The following P2RY12 variants were observed in gnomAD, a reference collection of about 807,000 sequenced individuals.
P2RY12 encodes the protein P2Y purinoceptor 12.
In P2RY12, 3 loss-of-function variants were observed where a neutral mutation model predicts 4.5. The observed-to-expected ratio is 0.67, with a 90% CI of 0.31 to 1.74. The LOEUF is 1.74. Ranked by LOEUF, P2RY12 falls within the 40% of genes most tolerant of loss-of-function variation. The pLI is 0.09. For synonymous variants in P2RY12, 148 were observed against 154.1 expected (o/e 0.96, Z 0.29); for missense variants, 356 against 407.8 (o/e 0.87, Z 1.09).
chr3:151,358,497 C>T (rs1414231087), intron 1 of P2RY12, among the ~76,000 whole-genome samples: 2 of 152,190 alleles, frequency 1.3e-5, no homozygotes, highest in East Asian at 3.9e-4. Flanking sequence ...CTATGTTCTA[C>T]TTTTAAAATA....
At chr3:151,383,238 GCC>G (rs1712723633) in intron 1 of P2RY12, among the ~76,000 whole-genome samples, 1 of 152,142 alleles carries the variant, frequency 6.6e-6, no homozygotes, top group Non-Finnish European at 1.5e-5. Context: ...CCAAGTGCAG[GCC>G]CCTCTGGAGG....
In P2RY12 at chr3:151,369,089, A is replaced by T. The variant is rs569807423; in HGVS notation, c.-180+15603T>A. 3.6e-4 allele frequency among the ~76,000 whole-genome samples: 55 copies of T among 152,300 alleles called. No individual in the cohort carries two copies. In the South Asian group the frequency reaches 0.011, roughly 30 times the overall value. The stretch of plus-strand genomic sequence containing the variant: ...ATTTATTCTTGTACTAAGTAAAAGG[A>T]ATAAAGTAAGAATTTTAGGGGCGTT... On this transcript the variant is annotated intron_variant, in intron 1 of 2. Coordinates refer to ENST00000302632, the MANE Select transcript of P2RY12 (RefSeq NM_022788.5).
chr3:151,348,375 TATATC>T (rs1752814665), intron 1 of P2RY12, among the ~76,000 whole-genome samples: 1 of 111,670 alleles, frequency 9.0e-6, no homozygotes, highest in Non-Finnish European at 1.9e-5. Context: ...AAAAAAGAAA[TATATC>T]AGTAATTCTC....
intron 1 of P2RY12, chr3:151,367,536 T>C (rs1755434916): frequency 2.2e-6 from 2 of 911,348 alleles, no homozygotes; most frequent in African/African-American, 1.7e-5. Flanking sequence ...TGCTGGTTCA[T>C]GTTGGGATTT....
chr3:151,346,158 CT>C (rs1477919366), intron 1 of P2RY12, among the ~76,000 whole-genome samples: 1 of 152,074 alleles, frequency 6.6e-6, no homozygotes, highest in Non-Finnish European at 1.5e-5. Context: ...CTCAAAATGT[CT>C]TTTTATTTTC....
intron 1 of P2RY12, chr3:151,378,048 C>G (rs776676198): frequency 9.3e-6 from 15 of 1,610,218 alleles, no homozygotes; most frequent in Non-Finnish European, 1.1e-5. Flanking sequence ...TGGTGGCCCC[C>G]CTCATCGCCA....
chr3:151,376,269 A>C, intron 1 of P2RY12: 1 of 1,286,606 alleles, frequency 7.8e-7, no homozygotes, highest in Non-Finnish European at 1.0e-6. Context: ...CGTAATAATA[A>C]AAAGAGTTAC....
chr3:151,339,497 C>G (rs1320541229), intron 2 of P2RY12, among the ~76,000 whole-genome samples: 1 of 151,418 alleles, frequency 6.6e-6, no homozygotes, highest in South Asian at 2.1e-4. Context: ...ATATTGCTCA[C>G]TCATTCAAAG....
At chr3:151,380,343 T>A in intron 1 of P2RY12, 1 of 644,910 alleles carries the variant, frequency 1.6e-6, no homozygotes. Context: ...ATGCCTGTAA[T>A]CCCAGCACTT....
intron 1 of P2RY12, chr3:151,355,201 C>T: frequency 1.2e-6 from 2 of 1,613,566 alleles, no homozygotes; most frequent in Non-Finnish European, 1.7e-6. Context: ...TAAACTCCAG[C>T]TCCTTTCATA....
intron 1 of P2RY12, among the ~76,000 whole-genome samples, chr3:151,376,640 A>C (rs1756888040): frequency 6.6e-6 from 1 of 152,204 alleles, no homozygotes. Context: ...ATCGCTACTG[A>C]ATATATATGC....
intron 1 of P2RY12, among the ~76,000 whole-genome samples, chr3:151,380,512 G>T (rs1036009258): frequency 3.3e-5 from 5 of 150,564 alleles, no homozygotes; most frequent in Admixed American, 1.3e-4. Context: ...CAGGAGAATT[G>T]CTTGAACCTG....
At position 151,337,975 on chromosome 3, in the gene P2RY12, C is replaced by T. The variant is rs770714899; in HGVS notation, c.871G>A (p.Ala291Thr). 1 of 1,614,104 alleles carries T rather than the reference C, an allele frequency of 6.2e-7. No individual in the cohort carries two copies. The change falls in exon 3 of 3, where the codon GCA becomes ACA. Residue 291 changes from alanine (A) to threonine (T), a missense_variant. Coordinates refer to ENST00000302632, the MANE Select transcript of P2RY12 (RefSeq NM_022788.5). ...AAATAGATGAACGGATCCAGGCATG[C>T]ATTTAAGGAAGTTAACCACAGAGTG... ...ESTLWLTSLN[A>T]CLDPFIYFFL...
At chr3:151,353,178 CTGT>C (rs1393383936) in intron 1 of P2RY12, among the ~76,000 whole-genome samples, 1 of 152,066 alleles carries the variant, frequency 6.6e-6, no homozygotes. Context: ...TTCTTTAAGT[CTGT>C]TGTTATTATT....
intron 1 of P2RY12, chr3:151,350,055 T>G (rs772875779): frequency 6.2e-7 from 1 of 1,607,162 alleles, no homozygotes; most frequent in South Asian, 1.1e-5. Context: ...TTTCTGTTTT[T>G]CAGGATGAAT....
chr3:151,338,630 G>T lies in P2RY12; in HGVS notation c.216C>A (p.Leu72=). ...FLKNTVISDL[L]MILTFPFKIL... ...TTTTGAATGGAAAAGTCAGAATCATGAGAAGATCAGAAATGACTGTGTTCT... is the reference window on the plus strand; with the variant it reads ...TTTTGAATGGAAAAGTCAGAATCATTAGAAGATCAGAAATGACTGTGTTCT... The change falls in exon 3 of 3, where the codon CTC becomes CTA. Residue 72 remains leucine (L), a synonymous_variant. Transcript: ENST00000302632. The T allele has an allele frequency of 6.2e-7, 1 of 1,613,982 alleles. No homozygotes were observed. Among genetic ancestry groups the T allele is most frequent in the Non-Finnish European group, 8.5e-7 (1 of 1,179,952 alleles).
intron 1 of P2RY12, among the ~76,000 whole-genome samples, chr3:151,381,733 A>G (rs866244404): frequency 2.0e-5 from 3 of 152,150 alleles, no homozygotes; most frequent in South Asian, 4.2e-4. Context: ...TCCCACTACT[A>G]TTATTTGAGC....
chr3:151,378,912 G>A (rs1349920627), intron 1 of P2RY12, among the ~76,000 whole-genome samples: 1 of 152,142 alleles, frequency 6.6e-6, no homozygotes, highest in African/African-American at 2.4e-5. Flanking sequence ...ATGTACATGA[G>A]CTTTTAAAAT....
At position 151,338,743 on chromosome 3, in the gene P2RY12, G is replaced by A; in HGVS notation, c.103C>T (p.Leu35=). Residue 35 remains leucine (L), a synonymous_variant, in exon 3 of 3, where the codon CTG becomes TTG. Transcript: ENST00000302632. ...QVLFPLLYTV[L]FFVGLITNGL... is the part of the protein sequence containing the mutation. The stretch of plus-strand genomic sequence containing the variant: ...TTTGTGATAAGTCCAACAAAAAACA[G>A]GACAGTGTAGAGCAGTGGGAAGAGG... The A allele has an allele frequency of 6.2e-7, 1 of 1,613,792 alleles. No homozygotes were observed. Among genetic ancestry groups the A allele is most frequent in the Non-Finnish European group, 8.5e-7 (1 of 1,179,864 alleles).
Sources: allele counts gnomAD v4.1 joint callset (sites outside exome capture counted in the v4.1 genomes callset), GRCh38; gene constraint gnomAD v4.1.1; transcripts MANE v1.5; gene names NCBI Gene and HGNC (gene_info 2026-07-23, HGNC 2026-07-21).